ATXN1: variants seen among roughly 807,000 people sequenced by gnomAD.
ATXN1 encodes the protein ataxin-1.
ATXN1 carries 8 observed loss-of-function variants against 56.4 expected under a neutral mutation model. That is an observed-to-expected ratio of 0.14 (90% CI 0.08 to 0.26). ATXN1 has a LOEUF of 0.26. Among genes scored for constraint, ATXN1 ranks in the 10% least tolerant of loss-of-function variants. ATXN1 has a pLI of 1.00. For missense variants in ATXN1, 987 were observed against 1,106.5 expected (o/e 0.89, Z 1.53); for synonymous variants, 514 against 494.6 (o/e 1.04, Z -0.52).
At chr6:16,580,505 G>C (rs993891691) in intron 4 of ATXN1, among the ~76,000 whole-genome samples, 1 of 152,136 alleles carries the variant, frequency 6.6e-6, no homozygotes, top group Non-Finnish European at 1.5e-5. Flanking sequence ...GTCTGCTTTA[G>C]GGTAGCAATA....
At position 16,544,538 on chromosome 6, in the gene ATXN1, T is replaced by C. The variant is rs376317076; in HGVS notation, c.-360-21850A>G. On this transcript the variant is annotated intron_variant, in intron 4 of 7. Coordinates refer to ENST00000436367, the MANE Select transcript of ATXN1 (RefSeq NM_001128164.2). ...GGATTTGGGTGTGTATTCAATTCTC[T>C]GAGTCTATGACCCTACATCTGGGAT... Among the ~76,000 whole-genome samples, 17 of 151,082 alleles carry C rather than the reference T, an allele frequency of 1.1e-4. No homozygotes were observed. In the East Asian group the frequency reaches 2.7e-3, roughly 24 times the overall value.
intron 2 of ATXN1, among the ~76,000 whole-genome samples, chr6:16,689,991 G>GAGAGGAAGATGACACAAGCCAGAAT (rs1176961241): frequency 2.2e-4 from 33 of 152,184 alleles, no homozygotes; most frequent in Middle Eastern, 3.4e-3. Flanking sequence ...TCCATTACAA[G>GAGAGGAAGATGACACAAGCCAGAAT]AGAGGAAGAT....
In ATXN1 at chr6:16,379,646, T is replaced by C. The variant is rs181221715; in HGVS notation, c.-160-51176A>G. Among the ~76,000 whole-genome samples, 54 of 152,248 alleles carry C rather than the reference T, an allele frequency of 3.5e-4. No individual in the cohort carries two copies. In the East Asian group the frequency reaches 7.1e-3, roughly 20 times the overall value. ...TGCTAACCAGGTACTGCACTAGGTA[T>C]TAGGGAAACAGAGATGAGTAAAATT... On this transcript the variant is annotated intron_variant, in intron 6 of 7. Coordinates refer to ENST00000436367, the MANE Select transcript of ATXN1 (RefSeq NM_001128164.2).
chr6:16,371,520 A>T lies in ATXN1; in HGVS notation c.-160-43050T>A, dbSNP rs145266087. Among the ~76,000 whole-genome samples the T allele has an allele frequency of 4.1e-4, 62 of 152,248 alleles. 1 individual carries two copies. The highest frequency in any genetic ancestry group is 1.3e-3 in the African/African-American group (55 of 41,558). On this transcript the variant is annotated intron_variant, in intron 6 of 7. Transcript: ENST00000436367. ...GCAAGATGTTAATCTGCTCTTAAAA[A>T]AAAGAAACCAATATTTGACCTGAAT...
chr6:16,411,596 A>T (rs1025371146), intron 6 of ATXN1, among the ~76,000 whole-genome samples: 2 of 152,196 alleles, frequency 1.3e-5, no homozygotes, highest in African/African-American at 4.8e-5. Flanking sequence ...GATTTAAGAC[A>T]TTGGGGAGAA....
chr6:16,365,475 G>A (rs1214406198), intron 6 of ATXN1, among the ~76,000 whole-genome samples: 3 of 152,180 alleles, frequency 2.0e-5, no homozygotes, highest in Non-Finnish European at 2.9e-5. Flanking sequence ...CACTGCGCCT[G>A]GCCGAATTAT....
intron 2 of ATXN1, among the ~76,000 whole-genome samples, chr6:16,684,747 T>C (rs1370377895): frequency 6.6e-6 from 1 of 152,214 alleles, no homozygotes; most frequent in Non-Finnish European, 1.5e-5. Flanking sequence ...AGATAATGTA[T>C]TCTTAATGAA....
Position 16,563,864 on chromosome 6 carries a change from C to T in ATXN1, c.-361+21916G>A, listed in dbSNP as rs773442851. ...TTTGTCAACGGGGAACACAAATGCC[C>T]GCTCCAGGTCCAAGGGCTTAGGACG... On this transcript the variant is annotated intron_variant, in intron 4 of 7. Transcript: ENST00000436367. 3.3e-5 allele frequency among the ~76,000 whole-genome samples: 5 copies of T among 152,284 alleles called. No individual in the cohort carries two copies. The South Asian group carries it at 6.2e-4, about 19-fold the overall frequency.
intron 7 of ATXN1, among the ~76,000 whole-genome samples, chr6:16,311,199 T>G (rs996837586): frequency 6.6e-6 from 1 of 152,230 alleles, no homozygotes; most frequent in African/African-American, 2.4e-5. Context: ...AGTATTAGTA[T>G]GGAATAGTAT....
Position 16,753,366 on chromosome 6 carries a change from T to G in ATXN1, c.-729-19A>C. The G allele has an allele frequency of 2.2e-6, 1 of 456,520 alleles. No homozygotes were observed. The highest frequency in any genetic ancestry group is 4.4e-6 in the Non-Finnish European group (1 of 226,912). 28.3% of individuals were successfully genotyped at this position (456,520 alleles called of 1,614,324 possible). A position where few individuals can be genotyped will look rare whatever the true frequency, so the allele number is the denominator to read the frequency against. ...GATGCTCCTGCAATGGTCGAGGGAG[T>G]GCAGGAGAGGAAATCCAAAATGAAA... is the stretch of plus-strand genomic sequence containing the variant. On this transcript the variant is annotated intron_variant, in intron 1 of 7. Transcript: ENST00000436367.
At chr6:16,552,829 T>A (rs981608793) in intron 4 of ATXN1, among the ~76,000 whole-genome samples, 1 of 152,198 alleles carries the variant, frequency 6.6e-6, no homozygotes, top group Non-Finnish European at 1.5e-5. Flanking sequence ...CGCTTCCACA[T>A]CTGTTTAACT....
At chr6:16,377,285 G>A (rs1762158962) in intron 6 of ATXN1, among the ~76,000 whole-genome samples, 2 of 152,218 alleles carry the variant, frequency 1.3e-5, no homozygotes, top group Non-Finnish European at 2.9e-5. Flanking sequence ...ACTGCCAAAA[G>A]CCAAAAATAC....
chr6:16,693,168 T>TAC (rs1235406379), intron 2 of ATXN1, among the ~76,000 whole-genome samples: 1 of 152,214 alleles, frequency 6.6e-6, no homozygotes, highest in Non-Finnish European at 1.5e-5. Context: ...AATGAGTTAC[T>TAC]ACACATACAG....
chr6:16,463,154 C>T (rs563387613), intron 6 of ATXN1, among the ~76,000 whole-genome samples: 11 of 152,286 alleles, frequency 7.2e-5, no homozygotes, highest in African/African-American at 2.4e-4. Flanking sequence ...TTGGCAAGTA[C>T]TCTAGGAGTA....
At chr6:16,397,952 G>A (rs1758489885) in intron 6 of ATXN1, among the ~76,000 whole-genome samples, 1 of 152,186 alleles carries the variant, frequency 6.6e-6, no homozygotes, top group South Asian at 2.1e-4. Flanking sequence ...TTTGACAGGT[G>A]AGATTAGGTG....
chr6:16,653,280 G>C (rs1758110505), intron 3 of ATXN1, among the ~76,000 whole-genome samples: 2 of 152,220 alleles, frequency 1.3e-5, no homozygotes, highest in South Asian at 4.1e-4. Context: ...CGGACGGAAG[G>C]AGAGGGCCAA....
chr6:16,757,148 T>C (rs902394707), intron 1 of ATXN1, among the ~76,000 whole-genome samples: 71 of 152,198 alleles, frequency 4.7e-4, no homozygotes, highest in African/African-American at 1.4e-3. Context: ...GCTAAAGAGT[T>C]TCTGTTTAAT....
At chr6:16,625,533 C>A (rs1561783957) in intron 3 of ATXN1, among the ~76,000 whole-genome samples, 1 of 152,078 alleles carries the variant, frequency 6.6e-6, no homozygotes, top group Non-Finnish European at 1.5e-5. Context: ...TTATCATGCA[C>A]AGAGAGCTGA....
intron 2 of ATXN1, among the ~76,000 whole-genome samples, chr6:16,694,500 T>C (rs1439863918): frequency 6.6e-6 from 1 of 152,204 alleles, no homozygotes; most frequent in Admixed American, 6.5e-5. Context: ...AAAGAAATTA[T>C]GTCTATGTTA....
Sources: allele counts gnomAD v4.1 joint callset (sites outside exome capture counted in the v4.1 genomes callset), GRCh38; gene constraint gnomAD v4.1.1; transcripts MANE v1.5; gene names NCBI Gene and HGNC (gene_info 2026-07-23, HGNC 2026-07-21).